RNF6: variants seen among roughly 807,000 people sequenced by gnomAD.
RNF6 encodes E3 ubiquitin-protein ligase RNF6.
In RNF6, 21 loss-of-function variants were observed where a neutral mutation model predicts 50.1. The ratio of observed to expected loss-of-function variants is 0.42; its 90% confidence interval spans 0.30 to 0.60. The LOEUF (loss-of-function observed/expected upper bound fraction) is 0.60. RNF6 is among the 20% of genes least tolerant of loss of function. RNF6 has a pLI of 0.20. For missense variants in RNF6, 698 were observed against 838.2 expected (o/e 0.83, Z 2.07); for synonymous variants, 255 against 291.8 (o/e 0.87, Z 1.29).
chr13:26,220,877 C>G lies in RNF6; in HGVS notation c.-19+371G>C, dbSNP rs1870411164. Among the ~76,000 whole-genome samples the G allele has an allele frequency of 2.6e-5, 4 of 152,160 alleles. No individual in the cohort carries two copies. In the South Asian group the frequency reaches 8.3e-4, roughly 31 times the overall value. On this transcript the variant is annotated intron_variant, in intron 2 of 4. Coordinates refer to ENST00000381588, the MANE Select transcript of RNF6 (RefSeq NM_005977.4). The stretch of plus-strand genomic sequence containing the variant: ...TGCTTTAAATATAAGGTGAAATTAG[C>G]CTACAAGTCTAAAATACTGTTGGAG...
At chr13:26,221,817 A>G (rs932981953) in intron 1 of RNF6, 186 bp downstream of exon 1, 2 of 152,288 alleles carry the variant, frequency 1.3e-5, no homozygotes, top group Non-Finnish European at 2.9e-5. Context: ...CGCTTCCCTT[A>G]GAGACCTAGA....
At chr13:26,151,126 C>T (rs532174190) in intron 5 of RNF6, among the ~76,000 whole-genome samples, 1 of 152,294 alleles carries the variant, frequency 6.6e-6, no homozygotes, top group South Asian at 2.1e-4. Context: ...GTCACCAGTG[C>T]AACTACTTAA....
At position 26,215,388 on chromosome 13, in the gene RNF6, T is replaced by TG; in HGVS notation, c.493dup (p.His165ProfsTer13). Reference sequence around the variant, plus strand: ...TGGAATGTCTGTATAATCTTCTCCATGAATTTCAAATCCTCTATTTTCATG... The same window carrying TG: ...TGGAATGTCTGTATAATCTTCTCCATGGAATTTCAAATCCTCTATTTTCATG... On this transcript the variant is annotated frameshift_variant, in exon 5 of 5. Coordinates refer to ENST00000381588, the MANE Select transcript of RNF6 (RefSeq NM_005977.4). LOFTEE classifies it high-confidence loss of function. The TG allele has an allele frequency of 6.2e-7, 1 of 1,614,236 alleles. No homozygotes were observed.
chr13:26,199,154 C>T (rs1483656001), intron 5 of RNF6, among the ~76,000 whole-genome samples: 1 of 150,094 alleles, frequency 6.7e-6, no homozygotes, highest in African/African-American at 2.5e-5. Flanking sequence ...ATGCAAAGGA[C>T]CTAGGGCAGT....
At chr13:26,148,657 T>TCCC (rs1871390581) in intron 5 of RNF6, among the ~76,000 whole-genome samples, 1 of 131,638 alleles carries the variant, frequency 7.6e-6, no homozygotes, top group Non-Finnish European at 1.6e-5. Context: ...TATATATATA[T>TCCC]ATATATATAT....
intron 5 of RNF6, among the ~76,000 whole-genome samples, chr13:26,184,331 G>A (rs996919577): frequency 9.2e-5 from 14 of 151,834 alleles, no homozygotes; most frequent in African/African-American, 3.1e-4. Flanking sequence ...GCGCCCGGCC[G>A]CCTCAAATTA....
chr13:26,207,664 G>C (rs144676258), intron 5 of RNF6, among the ~76,000 whole-genome samples: 2 of 152,310 alleles, frequency 1.3e-5, no homozygotes, highest in East Asian at 3.9e-4. Flanking sequence ...CTGCTGGTCT[G>C]ACTTTTTGGC....
intron 5 of RNF6, among the ~76,000 whole-genome samples, chr13:26,146,504 C>A (rs1398238931): frequency 6.6e-6 from 1 of 152,212 alleles, no homozygotes; most frequent in Non-Finnish European, 1.5e-5. Flanking sequence ...GAGCTACTCA[C>A]AATTTTATTT....
intron 5 of RNF6, among the ~76,000 whole-genome samples, chr13:26,149,710 T>C (rs1483353375): frequency 6.6e-6 from 1 of 151,606 alleles, no homozygotes; most frequent in Non-Finnish European, 1.5e-5. Context: ...ATGTGGCCTA[T>C]GGGAGGGAGT....
intron 5 of RNF6, among the ~76,000 whole-genome samples, chr13:26,196,102 A>G (rs754282379): frequency 1.1e-4 from 16 of 152,250 alleles, no homozygotes; most frequent in Non-Finnish European, 4.4e-5. Flanking sequence ...AGTTTACTAA[A>G]TCACAAACAA....
At chr13:26,218,688 T>C (rs1288126518) in intron 3 of RNF6, 82 bp from the exon 4 acceptor site, 5 of 1,034,926 alleles carry the variant, frequency 4.8e-6, no homozygotes, top group Non-Finnish European at 3.0e-6. Flanking sequence ...TAATCTTTAG[T>C]AACCTATAGA....
chr13:26,168,796 G>A (rs1047582682), intron 5 of RNF6, among the ~76,000 whole-genome samples: 7 of 152,196 alleles, frequency 4.6e-5, no homozygotes, highest in South Asian at 2.1e-4. Flanking sequence ...AGGATTGCTC[G>A]ATTGGAGACT....
At chr13:26,217,980 T>C (rs1181838459) in intron 4 of RNF6, among the ~76,000 whole-genome samples, 1 of 152,234 alleles carries the variant, frequency 6.6e-6, no homozygotes, top group African/African-American at 2.4e-5. Context: ...AAACTACTAA[T>C]AAATACCTCT....
intron 5 of RNF6, among the ~76,000 whole-genome samples, chr13:26,188,623 C>CTTTTTTTTTTTTTTTTTTTT (rs1163881143): frequency 6.9e-5 from 3 of 43,272 alleles, no homozygotes; most frequent in Admixed American, 3.7e-4. Context: ...GTCAAAAGAG[C>CTTTTTTTTTTTTTTTTTTTT]TTTTTTTTTT....
chr13:26,181,362 G>A (rs1029959387), intron 5 of RNF6, among the ~76,000 whole-genome samples: 17 of 152,310 alleles, frequency 1.1e-4, no homozygotes, highest in Middle Eastern at 6.8e-3. Context: ...CCGATCAGGC[G>A]TCTGTCTTGT....
chr13:26,201,510 A>C (rs993818989), intron 5 of RNF6, among the ~76,000 whole-genome samples: 1 of 152,152 alleles, frequency 6.6e-6, no homozygotes, highest in African/African-American at 2.4e-5. Context: ...GAGGGGAGGA[A>C]GGAGGTAAGA....
intron 5 of RNF6, among the ~76,000 whole-genome samples, chr13:26,193,853 G>C (rs1868556306): frequency 6.6e-6 from 1 of 152,202 alleles, no homozygotes. Flanking sequence ...TGTGAGAAAA[G>C]AGCATGCATG....
At chr13:26,185,094 T>A (rs1024383423) in intron 5 of RNF6, among the ~76,000 whole-genome samples, 3 of 152,080 alleles carry the variant, frequency 2.0e-5, no homozygotes, top group Admixed American at 6.6e-5. Flanking sequence ...CTTCCCAGGA[T>A]CAAGCCATTC....
chr13:26,172,311 C>T (rs1339468473), intron 5 of RNF6, among the ~76,000 whole-genome samples: 1 of 152,006 alleles, frequency 6.6e-6, no homozygotes, highest in Non-Finnish European at 1.5e-5. Context: ...CCACTACTCA[C>T]AAAAATACAT....
Sources: allele counts gnomAD v4.1 joint callset (sites outside exome capture counted in the v4.1 genomes callset), GRCh38; gene constraint gnomAD v4.1.1; transcripts MANE v1.5; gene names NCBI Gene and HGNC (gene_info 2026-07-23, HGNC 2026-07-21).